CSMD1: variants seen among roughly 807,000 people sequenced by gnomAD.
CSMD1 encodes CUB and Sushi multiple domains 1, also known as CUB and sushi domain-containing protein 1.
CSMD1 carries 213 observed loss-of-function variants against 417.5 expected under a neutral mutation model. The observed-to-expected ratio is 0.51, with a 90% CI of 0.46 to 0.57. The LOEUF (loss-of-function observed/expected upper bound fraction) is 0.57. CSMD1 is among the 20% of genes least tolerant of loss of function. The pLI is 0.00. For synonymous variants in CSMD1, 2,862 were observed against 1,736.8 expected, an observed-to-expected ratio of 1.65 and a Z score of -16.11; for missense variants, 6,923 against 4,529.7, an observed-to-expected ratio of 1.53 and a Z score of -15.17.
At chr8:4,037,711 G>A (rs1049103613) in intron 3 of CSMD1, among the ~76,000 whole-genome samples, 35 of 152,040 alleles carry the variant, frequency 2.3e-4, no homozygotes, top group African/African-American at 7.5e-4. Flanking sequence ...TGAGATAACA[G>A]GTCTCCAAAT....
At chr8:3,899,868 C>T (rs1584933431) in intron 5 of CSMD1, among the ~76,000 whole-genome samples, 2 of 152,324 alleles carry the variant, frequency 1.3e-5, no homozygotes, top group East Asian at 1.9e-4. Context: ...TCTTCAGTTC[C>T]TTTACTCCAA....
intron 11 of CSMD1, among the ~76,000 whole-genome samples, chr8:3,487,351 G>C (rs1317697682): frequency 1.3e-5 from 2 of 151,970 alleles, no homozygotes; most frequent in African/African-American, 4.8e-5. Context: ...ACAGGCGCCC[G>C]CCACCACGCC....
chr8:4,132,127 G>A (rs947298425), intron 3 of CSMD1, among the ~76,000 whole-genome samples: 2 of 150,982 alleles, frequency 1.3e-5, no homozygotes, highest in South Asian at 2.1e-4. Flanking sequence ...TGTCTTGACA[G>A]TAAGAACGAC....
At chr8:4,869,371 T>C (rs1303021479) in intron 1 of CSMD1, among the ~76,000 whole-genome samples, 1 of 152,000 alleles carries the variant, frequency 6.6e-6, no homozygotes, top group South Asian at 2.1e-4. Flanking sequence ...GCTCTCTGTA[T>C]TTTAATCACT....
intron 7 of CSMD1, among the ~76,000 whole-genome samples, chr8:3,651,687 A>G (rs1490174416): frequency 6.6e-6 from 1 of 151,988 alleles, no homozygotes; most frequent in Non-Finnish European, 1.5e-5. Flanking sequence ...TGTACTTAAC[A>G]CCATCAGAGC....
intron 3 of CSMD1, among the ~76,000 whole-genome samples, chr8:4,142,567 T>C (rs1803854975): frequency 6.6e-6 from 1 of 151,312 alleles, no homozygotes; most frequent in South Asian, 2.1e-4. Flanking sequence ...ACCATTTTTA[T>C]TATATGGTAG....
intron 7 of CSMD1, among the ~76,000 whole-genome samples, chr8:3,651,874 C>T (rs546830008): frequency 4.6e-5 from 7 of 151,162 alleles, no homozygotes; most frequent in Non-Finnish European, 8.8e-5. Flanking sequence ...AGCACACTTA[C>T]CACCATCAGA....
Position 4,897,808 on chromosome 8 carries a change from A to T in CSMD1, c.85+96524T>A, listed in dbSNP as rs77790717. On this transcript the variant is annotated intron_variant, in intron 1 of 69. Transcript: ENST00000635120. ...TATGCCAGTAGATGATACAGAAGAG[A>T]CAGAGACTTAAATAAGTTTTTGTAT... is the stretch of plus-strand genomic sequence containing the variant. Among the ~76,000 whole-genome samples the T allele has an allele frequency of 3.0e-3, 458 of 152,268 alleles. 2 individuals are homozygous for T. Among genetic ancestry groups the T allele is most frequent in the African/African-American group, 0.011 (438 of 41,516 alleles).
chr8:3,112,545 G>C (rs1032379690), intron 42 of CSMD1, among the ~76,000 whole-genome samples: 1 of 152,078 alleles, frequency 6.6e-6, no homozygotes, highest in Admixed American at 6.6e-5. Context: ...AGTGATTCTT[G>C]CCATGATTTA....
At chr8:4,795,296 G>A (rs547555475) in intron 1 of CSMD1, among the ~76,000 whole-genome samples, 2 of 64,282 alleles carry the variant, frequency 3.1e-5, no homozygotes, top group East Asian at 4.9e-4. Context: ...TTTTGAGATG[G>A]AGTCCTGCTC....
intron 1 of CSMD1, among the ~76,000 whole-genome samples, chr8:4,712,162 T>A (rs1352602186): frequency 6.6e-6 from 1 of 152,222 alleles, no homozygotes; most frequent in Non-Finnish European, 1.5e-5. Flanking sequence ...AGTGAACCTC[T>A]TCTATTTCAT....
At chr8:4,337,680 C>T (rs529613366) in intron 3 of CSMD1, among the ~76,000 whole-genome samples, 62 of 152,204 alleles carry the variant, frequency 4.1e-4, no homozygotes, top group Non-Finnish European at 4.4e-5. Flanking sequence ...ACAATTTTTT[C>T]TTTAAGCATG....
At chr8:2,976,222 G>GAAA (rs113816097) in intron 55 of CSMD1, among the ~76,000 whole-genome samples, 1 of 137,504 alleles carries the variant, frequency 7.3e-6, no homozygotes. Context: ...CTCACTTGGA[G>GAAA]AAAAAAAAAA....
chr8:4,586,597 G>A (rs117300024), intron 2 of CSMD1, among the ~76,000 whole-genome samples: 5,210 of 152,022 alleles, frequency 0.034, 139 homozygotes, highest in Non-Finnish European at 0.049. Flanking sequence ...TTTTCTCTAG[G>A]ACTTTTGGAT....
At chr8:3,959,097 G>A (rs570468534) in intron 5 of CSMD1, among the ~76,000 whole-genome samples, 8 of 152,282 alleles carry the variant, frequency 5.3e-5, no homozygotes, top group African/African-American at 1.9e-4. Context: ...CAACGCCTCT[G>A]TCACATGCTT....
chr8:3,505,869 A>G (rs1796802077), intron 10 of CSMD1, among the ~76,000 whole-genome samples: 1 of 152,230 alleles, frequency 6.6e-6, no homozygotes, highest in South Asian at 2.1e-4. Flanking sequence ...GGTGAACTTC[A>G]AATAATAAGA....
chr8:3,548,319 A>C (rs1798762892), intron 10 of CSMD1, among the ~76,000 whole-genome samples: 1 of 151,986 alleles, frequency 6.6e-6, no homozygotes, highest in Non-Finnish European at 1.5e-5. Context: ...TCCATAGGTA[A>C]TTGGGGAACA....
intron 2 of CSMD1, among the ~76,000 whole-genome samples, chr8:4,454,672 T>C (rs1375698679): frequency 6.6e-6 from 1 of 152,182 alleles, no homozygotes; most frequent in Non-Finnish European, 1.5e-5. Context: ...TCCTATTATC[T>C]TAGCATGTTC....
intron 3 of CSMD1, among the ~76,000 whole-genome samples, chr8:4,325,619 T>C (rs752803712): frequency 3.3e-5 from 5 of 152,144 alleles, no homozygotes; most frequent in Admixed American, 6.5e-5. Context: ...TGAAAGCATC[T>C]GAAGATTTTT....
Sources: allele counts gnomAD v4.1 joint callset (sites outside exome capture counted in the v4.1 genomes callset), GRCh38; gene constraint gnomAD v4.1.1; transcripts MANE v1.5; gene names NCBI Gene and HGNC (gene_info 2026-07-23, HGNC 2026-07-21).